Variants in GPC3 observed in about 807,000 individuals in gnomAD.
The protein encoded by GPC3 is glypican 3, also known as glypican-3.
A neutral mutation model predicts 34.4 loss-of-function variants in GPC3; 3 were observed. The ratio of observed to expected loss-of-function variants is 0.09; its 90% CI spans 0.04 to 0.23. The LOEUF is 0.23. Among genes scored for constraint, GPC3 ranks in the 10% least tolerant of loss-of-function variants. GPC3 has a pLI of 1.00. For synonymous variants in GPC3, 177 were observed against 174.0 expected (o/e 1.02, Z -0.13); for missense variants, 351 against 445.6 (o/e 0.79, Z 1.91).
chrX:133,720,844 C>T (rs756868682), intron 3 of GPC3, among the ~76,000 whole-genome samples: 17 of 108,871 alleles, frequency 1.6e-4, no homozygotes, highest in Non-Finnish European at 1.5e-4. Flanking sequence ...GCTATGAGGA[C>T]GCAAAGGCAT....
chrX:133,739,585 C>A (rs945384111), intron 3 of GPC3, among the ~76,000 whole-genome samples: 13 of 111,500 alleles, frequency 1.2e-4, no homozygotes, highest in Non-Finnish European at 2.4e-4. Context: ...GTGGCTCATG[C>A]CTGTAATCCC....
chrX:133,852,867 T>C (rs1422501897), intron 2 of GPC3, among the ~76,000 whole-genome samples: 1 of 108,426 alleles, frequency 9.2e-6, no homozygotes, highest in Admixed American at 1.0e-4. Context: ...ACTTCACAGG[T>C]AATGTTACAT....
At chrX:133,624,532 C>G (rs2070274963) in intron 6 of GPC3, among the ~76,000 whole-genome samples, 1 of 111,838 alleles carries the variant, frequency 8.9e-6, no homozygotes, top group East Asian at 2.8e-4. Flanking sequence ...CTATAAACAC[C>G]TCTATGCAAA....
chrX:133,879,134 A>T (rs953673646), intron 2 of GPC3, among the ~76,000 whole-genome samples: 7 of 111,153 alleles, frequency 6.3e-5, no homozygotes, highest in Non-Finnish European at 3.8e-5. Context: ...GTCATAGTAC[A>T]TCCAGGGAGA....
intron 2 of GPC3, among the ~76,000 whole-genome samples, chrX:133,853,482 T>C (rs1175468590): frequency 8.9e-6 from 1 of 112,254 alleles, no homozygotes; most frequent in East Asian, 2.8e-4. Flanking sequence ...TGGGAGTTAC[T>C]ATATACTTGG....
chrX:133,780,913 C>T (rs1297016030), intron 2 of GPC3, among the ~76,000 whole-genome samples: 1 of 111,654 alleles, frequency 9.0e-6, no homozygotes, highest in Non-Finnish European at 1.9e-5. Flanking sequence ...AATAGCAACT[C>T]ATCAGAGACC....
At chrX:133,763,560 C>T (rs2071818767) in intron 2 of GPC3, 1 of 565,734 alleles carries the variant, frequency 1.8e-6, no homozygotes. Flanking sequence ...TGCAGGTGCC[C>T]TCTGTGCCTA....
intron 5 of GPC3, among the ~76,000 whole-genome samples, chrX:133,681,430 T>A (rs1283399004): frequency 8.9e-6 from 1 of 112,227 alleles, no homozygotes; most frequent in East Asian, 2.8e-4. Context: ...TTTCTATCAG[T>A]AAAAAATCAT....
chrX:133,576,717 A>G (rs2069686254), intron 7 of GPC3, among the ~76,000 whole-genome samples: 2 of 110,562 alleles, frequency 1.8e-5, no homozygotes, highest in Admixed American at 2.0e-4. Context: ...CTAGTTGGTT[A>G]TTGTTATTGT....
chrX:133,955,168 C>A (rs2076411434), intron 1 of GPC3, among the ~76,000 whole-genome samples: 2 of 111,165 alleles, frequency 1.8e-5, no homozygotes, highest in Admixed American at 1.9e-4. Flanking sequence ...TTGAATTCAC[C>A]ACCACATTGT....
intron 7 of GPC3, among the ~76,000 whole-genome samples, chrX:133,576,354 G>A (rs373964335): frequency 1.6e-4 from 18 of 110,876 alleles, no homozygotes; most frequent in Non-Finnish European, 2.6e-4. Flanking sequence ...AGTGATTCTC[G>A]TGCCTCATCC....
At chrX:133,913,727 G>A (rs944807431) in intron 2 of GPC3, among the ~76,000 whole-genome samples, 1 of 111,252 alleles carries the variant, frequency 9.0e-6, no homozygotes, top group African/African-American at 3.3e-5. Flanking sequence ...AATCTCCATG[G>A]CTTCAAGATA....
intron 2 of GPC3, among the ~76,000 whole-genome samples, chrX:133,891,373 G>A (rs1231601823): frequency 1.8e-5 from 2 of 111,399 alleles, no homozygotes; most frequent in Non-Finnish European, 3.8e-5. Context: ...TGTGGTGATA[G>A]CTACAAAATT....
Position 133,922,060 on chromosome X carries a change from C to T in GPC3, c.337+30990G>A, listed in dbSNP as rs182067863. Among the ~76,000 whole-genome samples, 48 of 112,650 alleles carry T rather than the reference C, an allele frequency of 4.3e-4. No homozygotes were observed. In the East Asian group the frequency reaches 0.012, roughly 29 times the overall value. On this transcript the variant is annotated intron_variant, in intron 2 of 7. Transcript: ENST00000370818. ...TACTCTGCCCCATCTGGAACAGGAA[C>T]TTTACCTTTGGGCCTTGTATACTTC...
chrX:133,704,973 T>C (rs1171139932), intron 3 of GPC3, among the ~76,000 whole-genome samples: 1 of 111,412 alleles, frequency 9.0e-6, no homozygotes, highest in East Asian at 2.8e-4. Flanking sequence ...TCACTGTTGG[T>C]TCTGGGAACT....
At chrX:133,618,872 CA>C (rs1187860500) in intron 6 of GPC3, among the ~76,000 whole-genome samples, 1 of 110,583 alleles carries the variant, frequency 9.0e-6, no homozygotes, top group African/African-American at 3.3e-5. Context: ...TTTTATGAAT[CA>C]AAAGATACCA....
chrX:133,854,619 G>T lies in GPC3; in HGVS notation c.337+98431C>A, dbSNP rs187659580. Among the ~76,000 whole-genome samples the T allele has an allele frequency of 2.7e-5, 3 of 112,041 alleles. No homozygotes were observed. The South Asian group carries it at 1.1e-3, about 42-fold the overall frequency. ...ATATGTGGTTTTGACTAGAAGTTGT[G>T]CATTCAGTATGCGTTGAAAGCCACA... is the stretch of plus-strand genomic sequence containing the variant. On this transcript the variant is annotated intron_variant, in intron 2 of 7. Transcript: ENST00000370818.
At chrX:133,800,377 T>G (rs1279351081) in intron 2 of GPC3, among the ~76,000 whole-genome samples, 2 of 112,109 alleles carry the variant, frequency 1.8e-5, no homozygotes, top group East Asian at 5.6e-4. Flanking sequence ...GACCAGATAT[T>G]AGAGATTACA....
At chrX:133,663,811 G>A (rs2070746978) in intron 5 of GPC3, among the ~76,000 whole-genome samples, 2 of 111,791 alleles carry the variant, frequency 1.8e-5, no homozygotes, top group South Asian at 7.5e-4. Flanking sequence ...ATACTAAAGT[G>A]TTAATAACGA....
Sources: gnomAD v4.1 joint callset for allele counts (sites outside exome capture counted in the v4.1 genomes callset) on GRCh38, gnomAD v4.1.1 for gene constraint, MANE v1.5 for transcripts, NCBI Gene and HGNC (gene_info 2026-07-23, HGNC 2026-07-21) for gene names.